Variants in TRDN observed in about 807,000 individuals in gnomAD.
TRDN encodes triadin, also known as triadin in skeletal muscle.
Under a neutral mutation model 149.7 loss-of-function variants are expected in TRDN, and 161 were observed. That is an observed-to-expected ratio of 1.08 (90% CI 0.95 to 1.23). The LOEUF is 1.23. TRDN is among the 50% of genes most tolerant of loss of function. The probability of loss-of-function intolerance (pLI) is 0.00; values close to 1 mark genes in which losing one functional copy is unlikely to be tolerated. For synonymous variants in TRDN, 294 were observed against 250.5 expected (o/e 1.17, Z -1.64); for missense variants, 896 against 823.5 (o/e 1.09, Z -1.08).
At chr6:123,307,201 C>T (rs912642077) in intron 24 of TRDN, among the ~76,000 whole-genome samples, 10 of 152,066 alleles carry the variant, frequency 6.6e-5, no homozygotes, top group Admixed American at 1.3e-4. Flanking sequence ...CCAAGCAGTA[C>T]TTCTTCATAA....
At chr6:123,571,206 A>G in intron 1 of TRDN, 74 bp from the exon 2 acceptor site, 1 of 1,493,810 alleles carries the variant, frequency 6.7e-7, no homozygotes, top group South Asian at 1.2e-5. Context: ...AACACTGACT[A>G]TATGAGTGCT....
intron 5 of TRDN, among the ~76,000 whole-genome samples, chr6:123,525,270 C>G (rs1190660332): frequency 1.3e-5 from 2 of 152,034 alleles, no homozygotes; most frequent in Non-Finnish European, 2.9e-5. Context: ...CATCACAGCA[C>G]TATTCGCAGT....
At chr6:123,351,257 C>G (rs1309698837) in intron 21 of TRDN, 41 of 970,772 alleles carry the variant, frequency 4.2e-5, no homozygotes, top group Non-Finnish European at 4.9e-5. Flanking sequence ...GAAGTTTACA[C>G]ATTTTCATAT....
intron 21 of TRDN, chr6:123,351,906 T>C: frequency 1.0e-6 from 1 of 984,896 alleles, no homozygotes; most frequent in Non-Finnish European, 1.2e-6. Context: ...GTTTTAAGTT[T>C]AGTGTACTGT....
At chr6:123,227,403 G>GTCC (rs1203819447) in intron 38 of TRDN, among the ~76,000 whole-genome samples, 1 of 151,834 alleles carries the variant, frequency 6.6e-6, no homozygotes, top group East Asian at 1.9e-4. Flanking sequence ...CTACAATGAA[G>GTCC]TCCCTAGGGG....
intron 21 of TRDN, among the ~76,000 whole-genome samples, chr6:123,343,247 A>AG (rs1405029725): frequency 6.6e-6 from 1 of 152,024 alleles, no homozygotes; most frequent in African/African-American, 2.4e-5. Flanking sequence ...TTACACTTTT[A>AG]TGCCCATTTA....
chr6:123,425,929 G>C (rs1008692900), intron 12 of TRDN, among the ~76,000 whole-genome samples: 4 of 151,932 alleles, frequency 2.6e-5, no homozygotes, highest in South Asian at 2.1e-4. Flanking sequence ...CACACACACA[G>C]ATACATATGC....
chr6:123,235,140 C>A (rs1005975054), intron 38 of TRDN, among the ~76,000 whole-genome samples: 1 of 152,014 alleles, frequency 6.6e-6, no homozygotes, highest in Admixed American at 6.6e-5. Context: ...CAAAAATCTA[C>A]AAGGAATCAA....
chr6:123,433,168 T>C (rs1180799102), intron 12 of TRDN, among the ~76,000 whole-genome samples: 1 of 86,370 alleles, frequency 1.2e-5, no homozygotes, highest in East Asian at 3.2e-4. Flanking sequence ...ATATAATATA[T>C]ATATATATAT....
intron 38 of TRDN, among the ~76,000 whole-genome samples, chr6:123,230,048 A>G (rs1775539415): frequency 6.6e-6 from 1 of 151,978 alleles, no homozygotes; most frequent in South Asian, 2.1e-4. Context: ...AATAGTTACC[A>G]TAATTGAAAT....
chr6:123,482,160 C>T (rs1777778045), intron 9 of TRDN, among the ~76,000 whole-genome samples: 1 of 152,128 alleles, frequency 6.6e-6, no homozygotes, highest in Admixed American at 6.5e-5. Context: ...AAGCGTAAAG[C>T]AGAGCTATAC....
chr6:123,266,916 G>A (rs1240602492), intron 32 of TRDN, among the ~76,000 whole-genome samples: 1 of 145,854 alleles, frequency 6.9e-6, no homozygotes, highest in African/African-American at 2.5e-5. Flanking sequence ...AGACCATCCT[G>A]GCTAACACAG....
In TRDN at chr6:123,446,606, A is replaced by C. The variant is rs796084518; in HGVS notation, c.932-7603T>G. Reference sequence around the variant, plus strand: ...TCTCAAAAAAAAAAAAAAAAAAAAAAAAAGAAGAGCTAGGCCTAGTGAGGC... The same window carrying C: ...TCTCAAAAAAAAAAAAAAAAAAAAACAAAGAAGAGCTAGGCCTAGTGAGGC... On this transcript the variant is annotated intron_variant, in intron 10 of 40. Coordinates refer to ENST00000334268, the MANE Select transcript of TRDN (RefSeq NM_006073.4). Among the ~76,000 whole-genome samples, 876 of 146,064 alleles carry C rather than the reference A, an allele frequency of 6.0e-3. 10 individuals carry two copies. The highest frequency in any genetic ancestry group is 0.022 in the African/African-American group (841 of 38,904).
At chr6:123,247,142 T>C (rs890530807) in intron 38 of TRDN, among the ~76,000 whole-genome samples, 3 of 152,144 alleles carry the variant, frequency 2.0e-5, no homozygotes, top group Non-Finnish European at 2.9e-5. Flanking sequence ...CCACAGTCAA[T>C]AGCATACTGA....
chr6:123,294,610 G>A (rs1359591704), intron 24 of TRDN, among the ~76,000 whole-genome samples: 2 of 152,164 alleles, frequency 1.3e-5, no homozygotes, highest in African/African-American at 4.8e-5. Flanking sequence ...ACTCATATGA[G>A]ATTTAATGCT....
chr6:123,368,797 G>A (rs900253513), intron 19 of TRDN, among the ~76,000 whole-genome samples: 7 of 151,826 alleles, frequency 4.6e-5, no homozygotes, highest in Non-Finnish European at 8.8e-5. Flanking sequence ...CCCATTATAC[G>A]GTATCTGATC....
chr6:123,285,661 T>C (rs1267254204), intron 24 of TRDN, among the ~76,000 whole-genome samples: 2 of 151,910 alleles, frequency 1.3e-5, no homozygotes, highest in Non-Finnish European at 2.9e-5. Flanking sequence ...CAAAAGCAAA[T>C]GGAACAAAAA....
At chr6:123,535,369 T>G (rs984717339) in intron 4 of TRDN, among the ~76,000 whole-genome samples, 2 of 152,146 alleles carry the variant, frequency 1.3e-5, no homozygotes, top group African/African-American at 4.8e-5. Context: ...AGGAAGTGTA[T>G]TTCTACTTCT....
At chr6:123,496,293 G>A (rs929099877) in intron 9 of TRDN, among the ~76,000 whole-genome samples, 4 of 151,296 alleles carry the variant, frequency 2.6e-5, no homozygotes, top group Non-Finnish European at 4.4e-5. Context: ...TAGTTTTCTA[G>A]AGCCTAGATG....
Sources: gnomAD v4.1 joint callset for allele counts (sites outside exome capture counted in the v4.1 genomes callset) on GRCh38, gnomAD v4.1.1 for gene constraint, MANE v1.5 for transcripts, NCBI Gene and HGNC (gene_info 2026-07-23, HGNC 2026-07-21) for gene names.